The following SEMA5B variants were observed in gnomAD, a reference collection of about 807,000 sequenced individuals.
SEMA5B encodes the protein semaphorin 5B.
A neutral mutation model predicts 135.0 loss-of-function variants in SEMA5B; 66 were observed. The observed-to-expected ratio is 0.49, with a 90% CI of 0.40 to 0.60. The LOEUF is 0.60. SEMA5B is among the 20% of genes least tolerant of loss of function. SEMA5B has a pLI of 0.00. For missense variants in SEMA5B, 1,501 were observed against 1,566.3 expected (o/e 0.96, Z 0.70); for synonymous variants, 690 against 639.5 (o/e 1.08, Z -1.19).
At chr3:122,987,085 G>C (rs530899115) in intron 1 of SEMA5B, among the ~76,000 whole-genome samples, 19 of 152,254 alleles carry the variant, frequency 1.2e-4, no homozygotes, top group African/African-American at 3.9e-4. Flanking sequence ...TCACAGAACC[G>C]GCGGAAAAAG....
At chr3:122,944,028 C>T (rs531347812) in intron 3 of SEMA5B, among the ~76,000 whole-genome samples, 2 of 152,106 alleles carry the variant, frequency 1.3e-5, no homozygotes, top group Admixed American at 1.3e-4. Flanking sequence ...CGCTTGTTCT[C>T]AAATGCAAAT....
At position 122,981,240 on chromosome 3, in the gene SEMA5B, C is replaced by T. The variant is rs376359885; in HGVS notation, c.-38-19939G>A. On this transcript the variant is annotated intron_variant, in intron 1 of 22. Transcript: ENST00000357599. Reference sequence around the variant, plus strand: ...ATTCTGTGCATAACATAAGAGACACCTGAAGAGCTGGTCATAATGTGGGTC... The same window carrying T: ...ATTCTGTGCATAACATAAGAGACACTTGAAGAGCTGGTCATAATGTGGGTC... Among the ~76,000 whole-genome samples the T allele has an allele frequency of 1.3e-3, 191 of 152,368 alleles. 3 individuals carry two copies. The highest frequency in any genetic ancestry group is 3.4e-3 in the Middle Eastern group (1 of 294).
chr3:122,961,069 G>A, intron 2 of SEMA5B, 71 bp downstream of exon 2: 2 of 1,469,900 alleles, frequency 1.4e-6, no homozygotes, highest in Non-Finnish European at 1.8e-6. Context: ...CCAGATGAGG[G>A]GGTCTTCTCC....
Position 122,923,749 on chromosome 3 carries a change from G to A in SEMA5B, c.1140C>T (p.Asn380=). ...LIYGVFTTNV[N]SIAASAVCAF... ...CGCAGACAGCAGAAGCCGCGATGCT[G>A]TTTCTGAAAGGCAAGAAGTGGTGGC... is the stretch of plus-strand genomic sequence containing the variant. The change falls in exon 10 of 23, where the codon AAC becomes AAT. Residue 380 remains asparagine (N), a synonymous_variant. Coordinates refer to ENST00000357599, the MANE Select transcript of SEMA5B (RefSeq NM_001031702.4). The A allele has an allele frequency of 1.2e-6, 2 of 1,614,070 alleles. No individual in the cohort carries two copies. The highest frequency in any genetic ancestry group is 1.7e-6 in the Non-Finnish European group (2 of 1,179,986).
At chr3:122,975,935 C>T in intron 1 of SEMA5B, 7 of 1,524,692 alleles carry the variant, frequency 4.6e-6, no homozygotes, top group Non-Finnish European at 6.1e-6. Context: ...TGGCCATTCC[C>T]CCTCCATCCA....
intron 1 of SEMA5B, among the ~76,000 whole-genome samples, chr3:122,970,932 T>G (rs1023156897): frequency 6.6e-6 from 1 of 152,198 alleles, no homozygotes; most frequent in African/African-American, 2.4e-5. Context: ...TTAGGGACCC[T>G]TCTAAGTTTG....
intron 5 of SEMA5B, among the ~76,000 whole-genome samples, chr3:122,930,985 G>T (rs1239491218): frequency 6.6e-6 from 1 of 152,122 alleles, no homozygotes; most frequent in Non-Finnish European, 1.5e-5. Context: ...CCCCAAAAAA[G>T]TATATAGGTT....
At chr3:122,979,883 C>T (rs367569535) in intron 1 of SEMA5B, among the ~76,000 whole-genome samples, 18 of 152,242 alleles carry the variant, frequency 1.2e-4, no homozygotes, top group African/African-American at 3.9e-4. Flanking sequence ...GCACTGGCAA[C>T]TCCCCATTTG....
At position 122,926,382 on chromosome 3, in the gene SEMA5B, C is replaced by A. The variant is rs767426647; in HGVS notation, c.1136+10G>T. The A allele has an allele frequency of 6.2e-7, 1 of 1,604,532 alleles. No individual in the cohort carries two copies. Among genetic ancestry groups the A allele is most frequent in the South Asian group, 1.1e-5 (1 of 89,786 alleles). ...TCACAGGCAAGGGGCTGGCAGAGGG[C>A]AGGACTCACACGTTGGTTGTGAAAA... is the stretch of plus-strand genomic sequence containing the variant. On this transcript the variant is annotated intron_variant, in intron 9 of 22. Coordinates refer to ENST00000357599, the MANE Select transcript of SEMA5B (RefSeq NM_001031702.4).
chr3:122,973,130 C>T (rs904552070), intron 1 of SEMA5B, among the ~76,000 whole-genome samples: 4 of 152,218 alleles, frequency 2.6e-5, no homozygotes, highest in Admixed American at 1.3e-4. Context: ...ATAATACTCT[C>T]TTTGGGGAGT....
chr3:122,911,191 G>A, intron 21 of SEMA5B, 146 bp from the exon 22 acceptor site: 1 of 998,480 alleles, frequency 1.0e-6, no homozygotes, highest in Non-Finnish European at 1.4e-6. Context: ...GAAACAGGGA[G>A]GCTGGGGAGG....
intron 1 of SEMA5B, among the ~76,000 whole-genome samples, chr3:123,015,764 A>G (rs1416275139): frequency 1.3e-5 from 2 of 152,026 alleles, no homozygotes; most frequent in Non-Finnish European, 2.9e-5. Context: ...TCTCTGAGAA[A>G]CTCAAGACTC....
At position 122,912,958 on chromosome 3, in the gene SEMA5B, C is replaced by T. The variant is rs1258306624; in HGVS notation, c.2610G>A (p.Glu870=). The T allele has an allele frequency of 2.5e-6, 4 of 1,612,334 alleles. No individual in the cohort carries two copies. The highest frequency in any genetic ancestry group is 2.2e-5 in the South Asian group (2 of 90,984). The part of the protein sequence containing the change: ...GPWSSCSRDC[E]LGFRVRKRTC... ...TTCTCTTGCGGACGCGGAAGCCCAGCTCGCAGTCCCGGGAGCAGGACGACC... is the reference window on the plus strand; with the variant it reads ...TTCTCTTGCGGACGCGGAAGCCCAGTTCGCAGTCCCGGGAGCAGGACGACC... Residue 870 remains glutamate, a synonymous_variant, in exon 18 of 23, where the codon GAG becomes GAA. Coordinates refer to ENST00000357599, the MANE Select transcript of SEMA5B (RefSeq NM_001031702.4).
At chr3:122,952,277 G>A (rs1042526540) in intron 2 of SEMA5B, among the ~76,000 whole-genome samples, 5 of 152,102 alleles carry the variant, frequency 3.3e-5, no homozygotes, top group Admixed American at 1.3e-4. Flanking sequence ...ATGGGGTTTC[G>A]CCGTGCTGTC....
intron 6 of SEMA5B, 72 bp downstream of exon 6, chr3:122,928,924 C>T: frequency 6.8e-7 from 1 of 1,465,576 alleles, no homozygotes; most frequent in Non-Finnish European, 9.5e-7. Context: ...CCACACAGTG[C>T]TGCTCCATCC....
chr3:122,967,420 G>A (rs1448120278), intron 1 of SEMA5B, among the ~76,000 whole-genome samples: 1 of 152,152 alleles, frequency 6.6e-6, no homozygotes, highest in Non-Finnish European at 1.5e-5. Flanking sequence ...AGGTGCTGTT[G>A]GTGCCTGCCC....
At chr3:123,022,383 A>T (rs1169969095) in intron 1 of SEMA5B, among the ~76,000 whole-genome samples, 1 of 152,246 alleles carries the variant, frequency 6.6e-6, no homozygotes, top group Non-Finnish European at 1.5e-5. Flanking sequence ...AACAAGTTCC[A>T]TGCGCAAGTC....
intron 10 of SEMA5B, among the ~76,000 whole-genome samples, chr3:122,923,104 G>A (rs556941523): frequency 8.5e-5 from 13 of 152,240 alleles, no homozygotes; most frequent in Admixed American, 4.6e-4. Context: ...GGGCGAACAC[G>A]AAAGTCAACC....
At chr3:123,011,554 A>G (rs1405383324) in intron 1 of SEMA5B, among the ~76,000 whole-genome samples, 1 of 152,236 alleles carries the variant, frequency 6.6e-6, no homozygotes, top group African/African-American at 2.4e-5. Context: ...TCCCCAGGAC[A>G]GCAGACTCTG....
Sources: gnomAD v4.1 joint callset for allele counts (sites outside exome capture counted in the v4.1 genomes callset) on GRCh38, gnomAD v4.1.1 for gene constraint, MANE v1.5 for transcripts, NCBI Gene and HGNC (gene_info 2026-07-23, HGNC 2026-07-21) for gene names.